MALRD1: variants seen among roughly 807,000 people sequenced by gnomAD.
MALRD1 encodes the protein MAM and LDL-receptor class A domain-containing protein 1.
Under a neutral mutation model 242.1 loss-of-function variants are expected in MALRD1, and 247 were observed. That is an observed-to-expected ratio of 1.02 (90% CI 0.92 to 1.13). The LOEUF is 1.13. Among genes scored for constraint, MALRD1 ranks in the 50% most tolerant of loss-of-function variants. The pLI is 0.00. For synonymous variants in MALRD1, 995 were observed against 866.6 expected (o/e 1.15, Z -2.60); for missense variants, 2,989 against 2,533.1 (o/e 1.18, Z -3.86).
At chr10:19,676,826 C>G (rs1842157834) in intron 36 of MALRD1, among the ~76,000 whole-genome samples, 1 of 152,172 alleles carries the variant, frequency 6.6e-6, no homozygotes, top group Admixed American at 6.6e-5. Flanking sequence ...CTCTCCCTCT[C>G]CCCTGACAGG....
intron 33 of MALRD1, among the ~76,000 whole-genome samples, chr10:19,580,704 A>C (rs7080370): frequency 6.6e-6 from 1 of 152,000 alleles, no homozygotes; most frequent in Non-Finnish European, 1.5e-5. Context: ...GCTGCAGTTA[A>C]TCACTTTGAA....
Position 19,734,318 on chromosome 10 carries a change from C to G in MALRD1, c.*81C>G. The G allele has an allele frequency of 1.8e-6, 2 of 1,133,472 alleles. No homozygotes were observed. Among genetic ancestry groups the G allele is most frequent in the Non-Finnish European group, 2.5e-6 (2 of 795,358 alleles). The allele number at this position is 1,133,472 out of a possible 1,614,324, so 70.2% of individuals were successfully genotyped here. A position where few individuals can be genotyped will look rare whatever the true frequency, so the allele number is the denominator to read the frequency against. ...CCACAATCTGATAGAAACTCATCTT[C>G]TACAATGGTAAAAAGAGAAAGGATT... On this transcript the variant is annotated 3_prime_UTR_variant, in exon 40 of 40. Transcript: ENST00000454679.
At chr10:19,715,939 C>T (rs191976134) in intron 38 of MALRD1, among the ~76,000 whole-genome samples, 3 of 152,248 alleles carry the variant, frequency 2.0e-5, no homozygotes, top group African/African-American at 4.8e-5. Context: ...CCCCCATGGC[C>T]CAAACACCTC....
At chr10:19,729,583 G>A (rs1835191687) in intron 38 of MALRD1, among the ~76,000 whole-genome samples, 1 of 149,478 alleles carries the variant, frequency 6.7e-6, no homozygotes, top group Non-Finnish European at 1.5e-5. Context: ...TGTGTGTATA[G>A]GATCCTTTCG....
chr10:19,696,468 A>G (rs574539572), intron 38 of MALRD1, among the ~76,000 whole-genome samples: 2 of 152,322 alleles, frequency 1.3e-5, no homozygotes, highest in East Asian at 3.9e-4. Flanking sequence ...ATGTCAAATT[A>G]TACAACCGCC....
intron 24 of MALRD1, among the ~76,000 whole-genome samples, chr10:19,347,241 T>A (rs1230318245): frequency 6.6e-6 from 1 of 152,330 alleles, no homozygotes; most frequent in Admixed American, 6.5e-5. Flanking sequence ...CAACTTAACC[T>A]ATTTAATTTC....
intron 28 of MALRD1, among the ~76,000 whole-genome samples, chr10:19,433,440 A>T (rs956976205): frequency 2.6e-5 from 4 of 152,178 alleles, no homozygotes; most frequent in Admixed American, 2.6e-4. Flanking sequence ...CAGGAAATGA[A>T]GTTGGGCAGA....
In MALRD1 at chr10:19,331,562, A is replaced by T; in HGVS notation, c.3881A>T (p.Asp1294Val). 1 of 1,550,240 alleles carries T rather than the reference A, an allele frequency of 6.5e-7. No homozygotes were observed. Among genetic ancestry groups the T allele is most frequent in the Non-Finnish European group, 8.7e-7 (1 of 1,146,770 alleles). Residue 1294 changes from aspartate to valine, a missense_variant, in exon 24 of 40, where the codon GAT becomes GTT. By Grantham distance (152) the Asp-to-Val change is radical. Coordinates refer to ENST00000454679, the MANE Select transcript of MALRD1 (RefSeq NM_001142308.3). Reference protein sequence around the residue: ...DFVNDCADNSDETTFICRTSS... With the variant: ...DFVNDCADNSVETTFICRTSS... ...GTGAATGATTGTGCTGATAATTCAG[A>T]TGAGACTACTTTCATTTGCCGTAAG...
At chr10:19,250,953 A>G (rs550032653) in intron 18 of MALRD1, among the ~76,000 whole-genome samples, 17 of 151,708 alleles carry the variant, frequency 1.1e-4, no homozygotes, top group Non-Finnish European at 1.9e-4. Context: ...TTTCTCTTTT[A>G]ATATTATTAT....
intron 23 of MALRD1, among the ~76,000 whole-genome samples, chr10:19,329,228 G>A (rs1413180431): frequency 1.3e-5 from 2 of 152,106 alleles, no homozygotes; most frequent in Non-Finnish European, 2.9e-5. Context: ...ACATTGCTAT[G>A]CACCATGCAC....
rs1254563188 is a variant in MALRD1, at chr10:19,530,406, T to A, written c.5321-788T>A. ...ATTATATATTTATATAAATATTATA[T>A]ATTTATATAATAATAAATATATAAT... On this transcript the variant is annotated intron_variant, in intron 31 of 39. Transcript: ENST00000454679. Among the ~76,000 whole-genome samples, 18 of 39,800 alleles carry A rather than the reference T, an allele frequency of 4.5e-4. 1 individual carries two copies. Among genetic ancestry groups the A allele is most frequent in the South Asian group, 2.0e-3 (4 of 1,998 alleles). The allele number at this position is 39,800 out of a possible 152,430, so 26.1% of individuals were successfully genotyped here.
intron 28 of MALRD1, among the ~76,000 whole-genome samples, chr10:19,447,157 C>G (rs1209057004): frequency 6.6e-6 from 1 of 151,774 alleles, no homozygotes; most frequent in Admixed American, 6.6e-5. Flanking sequence ...ATGACTTTTT[C>G]TCCTGTATTA....
chr10:19,367,958 A>G (rs1343050587), intron 26 of MALRD1, among the ~76,000 whole-genome samples: 2 of 151,796 alleles, frequency 1.3e-5, no homozygotes, highest in Non-Finnish European at 2.9e-5. Flanking sequence ...GAGTATTATT[A>G]TTATTATTTT....
chr10:19,547,365 A>G (rs1835252794), intron 32 of MALRD1, among the ~76,000 whole-genome samples: 1 of 152,158 alleles, frequency 6.6e-6, no homozygotes, highest in Admixed American at 6.5e-5. Context: ...ACTGGAACAC[A>G]GGAAACCTAT....
chr10:19,366,226 A>T (rs1015240065), intron 26 of MALRD1, among the ~76,000 whole-genome samples: 3 of 151,794 alleles, frequency 2.0e-5, no homozygotes, highest in Non-Finnish European at 4.4e-5. Flanking sequence ...CTGCAACTAG[A>T]TGGTCCCATC....
At chr10:19,157,575 T>G (rs1424044832) in intron 12 of MALRD1, among the ~76,000 whole-genome samples, 1 of 152,100 alleles carries the variant, frequency 6.6e-6, no homozygotes, top group Non-Finnish European at 1.5e-5. Flanking sequence ...AGTTACAGAA[T>G]AAGCAAACAG....
intron 5 of MALRD1, among the ~76,000 whole-genome samples, chr10:19,122,398 G>C (rs143492190): frequency 6.6e-6 from 1 of 152,094 alleles, no homozygotes; most frequent in Non-Finnish European, 1.5e-5. Flanking sequence ...TTTCATCAAA[G>C]TTCTCCTTCA....
intron 26 of MALRD1, among the ~76,000 whole-genome samples, chr10:19,360,434 C>T (rs1037644326): frequency 2.6e-5 from 4 of 152,032 alleles, no homozygotes; most frequent in Non-Finnish European, 4.4e-5. Flanking sequence ...TCCTGGAAAC[C>T]TGCTTTTTTG....
intron 9 of MALRD1, among the ~76,000 whole-genome samples, chr10:19,134,406 A>G (rs1833246353): frequency 6.6e-6 from 1 of 152,230 alleles, no homozygotes; most frequent in Non-Finnish European, 1.5e-5. Flanking sequence ...CTCTTAAAAA[A>G]TTAAATTGAT....
Sources: gnomAD v4.1 joint callset for allele counts (sites outside exome capture counted in the v4.1 genomes callset) on GRCh38, gnomAD v4.1.1 for gene constraint, MANE v1.5 for transcripts, NCBI Gene and HGNC (gene_info 2026-07-23, HGNC 2026-07-21) for gene names.